The following PCGF5 variants were observed in gnomAD, a reference collection of about 807,000 sequenced individuals.
PCGF5 encodes the protein polycomb group ring finger 5.
Under a neutral mutation model 44.3 loss-of-function variants are expected in PCGF5, and 9 were observed. The ratio of observed to expected loss-of-function variants is 0.20; its 90% CI spans 0.12 to 0.35. The LOEUF (loss-of-function observed/expected upper bound fraction) is 0.35, where lower values mean the gene tolerates loss of function less well. PCGF5 is among the 10% of genes least tolerant of loss of function. The probability of loss-of-function intolerance (pLI) is 1.00; values close to 1 mark genes in which losing one functional copy is unlikely to be tolerated. For missense variants in PCGF5, 146 were observed against 305.3 expected (o/e 0.48, Z 3.89); for synonymous variants, 95 against 102.5 (o/e 0.93, Z 0.44).
chr10:91,239,110 T>G (rs1393112143), intron 2 of PCGF5, among the ~76,000 whole-genome samples: 1 of 152,116 alleles, frequency 6.6e-6, no homozygotes, highest in African/African-American at 2.4e-5. Flanking sequence ...GCACCCTGTC[T>G]CTATCTTATT....
intron 5 of PCGF5, 62 bp from the exon 6 acceptor site, chr10:91,251,230 A>G: frequency 7.3e-7 from 1 of 1,377,700 alleles, no homozygotes; most frequent in South Asian, 1.3e-5. Flanking sequence ...TCAATGTATG[A>G]TTGCTTAACT....
chr10:91,184,781 G>T (rs1204530320), intron 1 of PCGF5, among the ~76,000 whole-genome samples: 2 of 151,896 alleles, frequency 1.3e-5, no homozygotes, highest in African/African-American at 4.8e-5. Flanking sequence ...GCTATGGTTT[G>T]CTAGGGGTCT....
intron 1 of PCGF5, among the ~76,000 whole-genome samples, chr10:91,204,515 TCACA>T (rs780398897): frequency 6.6e-6 from 1 of 152,180 alleles, no homozygotes; most frequent in Non-Finnish European, 1.5e-5. Context: ...AGGCACATTT[TCACA>T]AACAGCCTGT....
At chr10:91,183,672 G>A (rs1843864139) in intron 1 of PCGF5, among the ~76,000 whole-genome samples, 1 of 152,116 alleles carries the variant, frequency 6.6e-6, no homozygotes, top group Admixed American at 6.6e-5. Context: ...ACTGGTCTGT[G>A]TACTTCAGTG....
Position 91,222,738 on chromosome 10 carries a change from A to G in PCGF5, c.-134A>G, listed in dbSNP as rs151125630. On this transcript the variant is annotated 5_prime_UTR_variant, in exon 2 of 10. Coordinates refer to ENST00000336126, the MANE Select transcript of PCGF5 (RefSeq NM_032373.5). ...AGGAGTGATGATCAACGATCTCATG[A>G]TAAATCTGGATGCTAGTTCTCATGC... The G allele has an allele frequency of 3.4e-3, 1,853 of 539,124 alleles. 11 individuals are homozygous for G. The highest frequency in any genetic ancestry group is 5.2e-3 in the Admixed American group (147 of 28,304). The allele number at this position is 539,124 out of a possible 1,614,324, so 33.4% of individuals were successfully genotyped here. A position where few individuals can be genotyped will look rare whatever the true frequency, so the allele number is the denominator to read the frequency against.
At chr10:91,228,008 A>G (rs543353868) in intron 2 of PCGF5, 1 of 859,930 alleles carries the variant, frequency 1.2e-6, no homozygotes, top group South Asian at 5.3e-5. Flanking sequence ...AGTGATAGGT[A>G]ACTTGAAACA....
chr10:91,191,818 CTG>C (rs1228230434), intron 1 of PCGF5, among the ~76,000 whole-genome samples: 1 of 152,198 alleles, frequency 6.6e-6, no homozygotes, highest in Non-Finnish European at 1.5e-5. Context: ...GTCTCACTGT[CTG>C]TGAGCATTCA....
intron 2 of PCGF5, among the ~76,000 whole-genome samples, chr10:91,230,686 A>G (rs941213005): frequency 6.6e-6 from 1 of 151,810 alleles, no homozygotes; most frequent in Non-Finnish European, 1.5e-5. Context: ...GCTCACTGCA[A>G]CCTCCCTACC....
chr10:91,277,805 G>C (rs1249503230), intron 9 of PCGF5, among the ~76,000 whole-genome samples: 2 of 152,068 alleles, frequency 1.3e-5, no homozygotes, highest in Admixed American at 1.3e-4. Context: ...CACTACTCCA[G>C]TTTTACAGGT....
chr10:91,228,084 C>A, intron 2 of PCGF5: 1 of 343,026 alleles, frequency 2.9e-6, no homozygotes, highest in Non-Finnish European at 4.1e-6. Flanking sequence ...ACATAGGCAT[C>A]TTTGGGGTCT....
At chr10:91,162,374 C>A (rs1392511151), upstream of PCGF5, among the ~76,000 whole-genome samples, 1 of 151,874 alleles carries the variant, frequency 6.6e-6, no homozygotes. Flanking sequence ...AAAGAAACTG[C>A]GAGCTCTCGG....
intron 8 of PCGF5, among the ~76,000 whole-genome samples, chr10:91,265,259 A>G (rs911400540): frequency 6.6e-6 from 1 of 152,140 alleles, no homozygotes; most frequent in African/African-American, 2.4e-5. Context: ...AGGTTCAAGC[A>G]TGGGATATTA....
chr10:91,172,313 G>A (rs540780828), intron 1 of PCGF5, among the ~76,000 whole-genome samples: 10 of 152,246 alleles, frequency 6.6e-5, no homozygotes, highest in South Asian at 4.1e-4. Flanking sequence ...CAGCTACACC[G>A]GAGGGTGAAG....
intron 6 of PCGF5, among the ~76,000 whole-genome samples, chr10:91,256,140 T>C (rs1845747769): frequency 6.6e-6 from 1 of 152,072 alleles, no homozygotes; most frequent in African/African-American, 2.4e-5. Flanking sequence ...AGCCCAGACA[T>C]TGTACTTATT....
chr10:91,192,222 T>C (rs775156569), intron 1 of PCGF5, among the ~76,000 whole-genome samples: 2 of 152,214 alleles, frequency 1.3e-5, no homozygotes, highest in Non-Finnish European at 2.9e-5. Context: ...GTGGAATTTT[T>C]TTAAAAAAGC....
At chr10:91,213,606 A>C (rs1410211634) in intron 1 of PCGF5, among the ~76,000 whole-genome samples, 1 of 150,934 alleles carries the variant, frequency 6.6e-6, no homozygotes, top group African/African-American at 2.4e-5. Flanking sequence ...CTGGGATTAT[A>C]GGCATGCACC....
At chr10:91,278,154 C>A in intron 9 of PCGF5, 115 bp from the exon 10 acceptor site, 1 of 812,166 alleles carries the variant, frequency 1.2e-6, no homozygotes, top group Non-Finnish European at 2.0e-6. Context: ...GTTGTAATCA[C>A]TAGTACCAGG....
intron 9 of PCGF5, among the ~76,000 whole-genome samples, chr10:91,276,745 A>G (rs778295649): frequency 8.5e-5 from 13 of 152,228 alleles, no homozygotes; most frequent in Non-Finnish European, 1.2e-4. Flanking sequence ...GCATTCTAAA[A>G]TGAGTGGCTT....
At position 91,248,734 on chromosome 10, in the gene PCGF5, T is replaced by C. The variant is rs1291914178; in HGVS notation, c.325+10T>C. On this transcript the variant is annotated intron_variant, in intron 5 of 9. Transcript: ENST00000336126. The stretch of plus-strand genomic sequence containing the variant: ...CAAGAAAATGGACAAGGTGACTTTT[T>C]CTTATGTCTGTTTCTGACAGCACCT... The C allele has an allele frequency of 6.2e-7, 1 of 1,601,336 alleles. No homozygotes were observed.
Sources: gnomAD v4.1 joint callset for allele counts (sites outside exome capture counted in the v4.1 genomes callset) on GRCh38, gnomAD v4.1.1 for gene constraint, MANE v1.5 for transcripts, NCBI Gene and HGNC (gene_info 2026-07-23, HGNC 2026-07-21) for gene names.